Variants in PDZD2 observed in about 807,000 individuals in gnomAD.
PDZD2 encodes the protein PDZ domain-containing protein 2.
PDZD2 carries 90 observed loss-of-function variants against 220.7 expected under a neutral mutation model. The ratio of observed to expected loss-of-function variants is 0.41; its 90% CI spans 0.34 to 0.49. PDZD2 has a LOEUF of 0.49. Among genes scored for constraint, PDZD2 ranks in the 20% least tolerant of loss-of-function variants. The pLI is 0.28. For synonymous variants in PDZD2, 1,375 were observed against 1,450.5 expected (o/e 0.95, Z 1.18); for missense variants, 3,174 against 3,608.5 (o/e 0.88, Z 3.08).
intron 2 of PDZD2, among the ~76,000 whole-genome samples, chr5:31,805,798 A>C (rs1225386079): frequency 2.0e-5 from 3 of 152,192 alleles, no homozygotes; most frequent in Non-Finnish European, 4.4e-5. Context: ...CTAGTGGAGT[A>C]GGTTGGCCCC....
At chr5:31,894,373 G>A (rs772367894) in intron 2 of PDZD2, among the ~76,000 whole-genome samples, 1 of 152,062 alleles carries the variant, frequency 6.6e-6, no homozygotes. Context: ...AGCCTGGCAC[G>A]GTGGGGTGTA....
Position 31,797,367 on chromosome 5 carries a change from G to A in PDZD2, c.-360-1522G>A, listed in dbSNP as rs186248773. 2.5e-3 allele frequency among the ~76,000 whole-genome samples: 375 copies of A among 152,152 alleles called. 2 individuals carry two copies. Among genetic ancestry groups the A allele is most frequent in the Non-Finnish European group, 4.8e-3 (324 of 67,998 alleles). ...GTCTTATAAATTATTAGGAGTCTACGATGTGGTAGGTGCTGTGCTGGAGTA... is the reference window on the plus strand; with the variant it reads ...GTCTTATAAATTATTAGGAGTCTACAATGTGGTAGGTGCTGTGCTGGAGTA... On this transcript the variant is annotated intron_variant, in intron 1 of 24. Coordinates refer to ENST00000438447, the MANE Select transcript of PDZD2 (RefSeq NM_178140.4).
At chr5:31,832,987 A>G (rs1310130263) in intron 2 of PDZD2, among the ~76,000 whole-genome samples, 2 of 152,146 alleles carry the variant, frequency 1.3e-5, no homozygotes, top group Admixed American at 6.5e-5. Flanking sequence ...CACAAGTCCC[A>G]TGAGCAGGCC....
chr5:32,070,291 G>A (rs1740624783), intron 15 of PDZD2, among the ~76,000 whole-genome samples: 1 of 152,190 alleles, frequency 6.6e-6, no homozygotes, highest in Non-Finnish European at 1.5e-5. Flanking sequence ...TAAGTTATTA[G>A]TTGTCAGAGG....
chr5:31,729,659 C>T (rs751671836), intron 1 of PDZD2, among the ~76,000 whole-genome samples: 4 of 152,138 alleles, frequency 2.6e-5, no homozygotes, highest in Non-Finnish European at 5.9e-5. Flanking sequence ...AACTTCAGAA[C>T]AATCTTTTTA....
chr5:32,087,764 C>G lies in PDZD2; in HGVS notation c.4316C>G (p.Ala1439Gly), dbSNP rs949795210. Residue 1439 changes from alanine (A) to glycine (G), a missense_variant, in exon 20 of 25, where the codon GCA becomes GGA. Around this residue, in one of 4 missense-constraint regions of PDZD2, gnomAD observed 1,861 missense variants for 2,001.0 expected, o/e 0.93. Transcript: ENST00000438447. The surrounding 1 kb of genome is among the most constrained non-coding windows in gnomAD (Gnocchi z 4.0). ...SFIKELDASA[A>G]RSPSSQTGDS... ...ATCAAGGAGCTGGATGCTTCTGCAG[C>G]AAGGTCTCCGTCTTCCCAGACGGGG... 3.1e-6 allele frequency: 5 copies of G among 1,614,064 alleles called. No individual in the cohort carries two copies. Among genetic ancestry groups the G allele is most frequent in the Admixed American group, 1.7e-5 (1 of 60,022 alleles).
chr5:32,103,289 A>G (rs1373958848), intron 24 of PDZD2, among the ~76,000 whole-genome samples: 2 of 152,160 alleles, frequency 1.3e-5, no homozygotes, highest in East Asian at 3.9e-4. Flanking sequence ...AGAGTGGTGC[A>G]CACCTGTGAT....
intron 9 of PDZD2, among the ~76,000 whole-genome samples, chr5:32,053,049 C>T (rs1046684816): frequency 6.6e-5 from 10 of 152,300 alleles, no homozygotes; most frequent in African/African-American, 2.2e-4. Flanking sequence ...AAAGAAGGAC[C>T]GCTAAAGTGG....
intron 2 of PDZD2, among the ~76,000 whole-genome samples, chr5:31,858,283 C>CA (rs35924916): frequency 3.5e-5 from 5 of 143,402 alleles, no homozygotes; most frequent in East Asian, 1.9e-4. Context: ...AGTTTAAAAA[C>CA]AAAAAAATTC....
chr5:31,847,745 A>G (rs1757668636), intron 2 of PDZD2: 2 of 593,052 alleles, frequency 3.4e-6, no homozygotes, highest in East Asian at 8.5e-5. Context: ...ACAGTTTTGG[A>G]GGCCCTGAAG....
At chr5:31,848,415 T>C (rs2150292627) in intron 2 of PDZD2, among the ~76,000 whole-genome samples, 1 of 152,350 alleles carries the variant, frequency 6.6e-6, no homozygotes, top group African/African-American at 2.4e-5. Flanking sequence ...TTTGAATTCT[T>C]CAGCTTTGTG....
In PDZD2 at chr5:32,083,943, G is replaced by A. The variant is rs960107111; in HGVS notation, c.3683-3188G>A. Among the ~76,000 whole-genome samples, 1 of 152,122 alleles carries A rather than the reference G, an allele frequency of 6.6e-6. No individual in the cohort carries two copies. Among genetic ancestry groups the A allele is most frequent in the African/African-American group, 2.4e-5 (1 of 41,420 alleles). ...CTGCCTGGCCTCAGCATCCCAAAGT[G>A]CTGGGATTACAGGCATGAGCCACCG... On this transcript the variant is annotated intron_variant, in intron 19 of 24. Coordinates refer to ENST00000438447, the MANE Select transcript of PDZD2 (RefSeq NM_178140.4). The surrounding 1 kb of genome is among the most constrained non-coding windows in gnomAD (Gnocchi z 4.1).
chr5:31,685,983 A>C (rs1746840521), intron 1 of PDZD2, among the ~76,000 whole-genome samples: 2 of 152,072 alleles, frequency 1.3e-5, no homozygotes, highest in South Asian at 4.2e-4. Context: ...GGCGGATCAC[A>C]GGTCAGGAGT....
At chr5:31,852,723 A>G (rs912924135) in intron 2 of PDZD2, among the ~76,000 whole-genome samples, 4 of 151,930 alleles carry the variant, frequency 2.6e-5, no homozygotes, top group Non-Finnish European at 4.4e-5. Context: ...CAGCCTCCCA[A>G]GTAGCTGGGA....
At chr5:31,655,174 GT>G (rs1270202162) in intron 1 of PDZD2, among the ~76,000 whole-genome samples, 1 of 151,920 alleles carries the variant, frequency 6.6e-6, no homozygotes, top group Non-Finnish European at 1.5e-5. Context: ...TTTTTGTTTT[GT>G]TTTTGTTTTT....
intron 22 of PDZD2, 119 bp downstream of exon 22, chr5:32,097,499 C>T: frequency 1.4e-6 from 1 of 703,660 alleles, no homozygotes; most frequent in Non-Finnish European, 2.6e-6. Context: ...TTCCCAGCTA[C>T]CAACATAAAA....
intron 2 of PDZD2, among the ~76,000 whole-genome samples, chr5:31,833,445 G>A (rs1441087607): frequency 6.6e-6 from 1 of 151,236 alleles, no homozygotes; most frequent in Non-Finnish European, 1.5e-5. Flanking sequence ...TGTAGCCTGG[G>A]CAACAGAGTG....
intron 2 of PDZD2, among the ~76,000 whole-genome samples, chr5:31,821,100 G>A (rs529469543): frequency 6.3e-4 from 95 of 151,846 alleles, no homozygotes; most frequent in African/African-American, 2.1e-3. Flanking sequence ...TTACTATATG[G>A]AAGTTTTAAC....
chr5:32,046,829 A>T (rs111806339), intron 7 of PDZD2, among the ~76,000 whole-genome samples: 2,370 of 152,154 alleles, frequency 0.016, 66 homozygotes, highest in African/African-American at 0.053. Context: ...GACCACCTGA[A>T]GTTAGGAGTT....
Sources: allele counts gnomAD v4.1 joint callset (sites outside exome capture counted in the v4.1 genomes callset), GRCh38; gene constraint gnomAD v4.1.1; regional missense constraint gnomAD v4.1.1; non-coding constraint Gnocchi (gnomAD v3.1); transcripts MANE v1.5; gene names NCBI Gene and HGNC (gene_info 2026-07-23, HGNC 2026-07-21).